The following STRN3 variants were observed in gnomAD, a reference collection of about 807,000 sequenced individuals.
STRN3 encodes striatin-3.
STRN3 carries 29 observed loss-of-function variants against 95.6 expected under a neutral mutation model. The ratio of observed to expected loss-of-function variants is 0.30; its 90% CI spans 0.23 to 0.41. The LOEUF (loss-of-function observed/expected upper bound fraction) is 0.41, where lower values mean the gene tolerates loss of function less well. Among genes scored for constraint, STRN3 ranks in the 10% least tolerant of loss-of-function variants. The pLI, the probability that STRN3 is intolerant of heterozygous loss-of-function variation, is 1.00. For missense variants in STRN3, 890 were observed against 972.1 expected (o/e 0.92, Z 1.12); for synonymous variants, 331 against 357.6 (o/e 0.93, Z 0.84).
chr14:31,025,885 A>G lies in STRN3; in HGVS notation c.282+19T>C. The G allele has an allele frequency of 6.3e-7, 1 of 1,592,910 alleles. No homozygotes were observed. Among genetic ancestry groups the G allele is most frequent in the East Asian group, 2.3e-5 (1 of 43,298 alleles). On this transcript the variant is annotated intron_variant, in intron 1 of 17. Transcript: ENST00000357479. ...AACCCAGCCGCCGCAGCTCCCGCACACCGACCCCAACGAGGTACCTGCAGT... is the reference window on the plus strand; with the variant it reads ...AACCCAGCCGCCGCAGCTCCCGCACGCCGACCCCAACGAGGTACCTGCAGT...
chr14:30,953,557 A>G (rs1217387835), intron 3 of STRN3, among the ~76,000 whole-genome samples: 1 of 152,208 alleles, frequency 6.6e-6, no homozygotes. Flanking sequence ...TGATGCTATG[A>G]AAATTCTTAC....
intron 5 of STRN3, among the ~76,000 whole-genome samples, chr14:30,937,287 T>C (rs544627864): frequency 6.6e-6 from 1 of 152,162 alleles, no homozygotes; most frequent in African/African-American, 2.4e-5. Context: ...CATTCCAGCC[T>C]GGGTGACAGA....
chr14:30,989,155 G>T (rs1020172192), intron 1 of STRN3, among the ~76,000 whole-genome samples: 1 of 152,124 alleles, frequency 6.6e-6, no homozygotes, highest in African/African-American at 2.4e-5. Flanking sequence ...ATAAAGAGAG[G>T]GGTCAGTTAC....
At chr14:30,986,092 G>A (rs1881677632) in intron 1 of STRN3, among the ~76,000 whole-genome samples, 1 of 152,146 alleles carries the variant, frequency 6.6e-6, no homozygotes, top group Non-Finnish European at 1.5e-5. Flanking sequence ...AAAAAAGAAT[G>A]AGAATGATCT....
Position 31,001,645 on chromosome 14 carries a change from AAAG to A in STRN3, c.282+24256_282+24258del, listed in dbSNP as rs1234805310. Reference sequence around the variant, plus strand: ...AGTCAAGTAAAACTCGGTCGTACCAAAAGAATTGGAAGCGGGACCTCAGAGACA... The same window carrying A: ...AGTCAAGTAAAACTCGGTCGTACCAAAATTGGAAGCGGGACCTCAGAGACA... On this transcript the variant is annotated intron_variant, in intron 1 of 17. Transcript: ENST00000357479. Among the ~76,000 whole-genome samples, 3 of 152,234 alleles carry A rather than the reference AAAG, an allele frequency of 2.0e-5. No individual in the cohort carries two copies. In the East Asian group the frequency reaches 5.8e-4, roughly 29 times the overall value.
chr14:30,988,628 T>A (rs577057393), intron 1 of STRN3, among the ~76,000 whole-genome samples: 1 of 152,172 alleles, frequency 6.6e-6, no homozygotes, highest in Non-Finnish European at 1.5e-5. Context: ...GAAGTCATGG[T>A]ACAATTATAA....
At chr14:31,007,966 G>T (rs1284782295) in intron 1 of STRN3, among the ~76,000 whole-genome samples, 2 of 152,132 alleles carry the variant, frequency 1.3e-5, no homozygotes, top group Non-Finnish European at 2.9e-5. Flanking sequence ...GCTGAGGCAG[G>T]CGGATCACCT....
chr14:30,970,818 C>T (rs539186996), intron 1 of STRN3, among the ~76,000 whole-genome samples: 4 of 152,324 alleles, frequency 2.6e-5, no homozygotes, highest in African/African-American at 9.6e-5. Context: ...ATATTCCACC[C>T]GCACATTAAA....
chr14:30,986,387 A>C (rs1881694655), intron 1 of STRN3, among the ~76,000 whole-genome samples: 1 of 152,228 alleles, frequency 6.6e-6, no homozygotes. Flanking sequence ...TTTACTTAGA[A>C]ATGTGTGCTT....
chr14:31,024,102 T>C (rs1404310618), intron 1 of STRN3, among the ~76,000 whole-genome samples: 3 of 152,186 alleles, frequency 2.0e-5, no homozygotes, highest in African/African-American at 7.2e-5. Context: ...TAATATATAG[T>C]ATAGGTTTTA....
rs1012520144 is a variant in STRN3, at chr14:31,009,269, T to A, written c.282+16635A>T. Among the ~76,000 whole-genome samples the A allele has an allele frequency of 3.9e-5, 6 of 152,108 alleles. 1 individual carries two copies. Among genetic ancestry groups the A allele is most frequent in the Admixed American group, 2.6e-4 (4 of 15,250 alleles). The stretch of plus-strand genomic sequence containing the variant: ...ATACACACACACCAATACATATATA[T>A]AGTTGTATATCAGGGTTTCCCAACC... On this transcript the variant is annotated intron_variant, in intron 1 of 17. Transcript: ENST00000357479.
At chr14:30,984,976 T>C (rs1391841584) in intron 1 of STRN3, among the ~76,000 whole-genome samples, 1 of 152,134 alleles carries the variant, frequency 6.6e-6, no homozygotes, top group Non-Finnish European at 1.5e-5. Flanking sequence ...TCCTAAGCTT[T>C]AAAAAAGTTA....
In STRN3 at chr14:30,950,863, T is replaced by C. The variant is rs1879604457; in HGVS notation, c.542A>G (p.Gln181Arg). The change falls in exon 4 of 18, where the codon CAG (glutamine) becomes CGG (arginine). Residue 181 changes from glutamine (Q) to arginine (R), a missense_variant and splice_region_variant. Transcript: ENST00000357479. Reference sequence around the variant, plus strand: ...AGGTTGAAAATAAGTAATTACTCACTGTCTTAAAAGCTGTCTGCCTTGCTT... The same window carrying C: ...AGGTTGAAAATAAGTAATTACTCACCGTCTTAAAAGCTGTCTGCCTTGCTT... Reference protein sequence around the residue: ...TWKQGRQLLRQYLQEVGYTDT... With the variant: ...TWKQGRQLLRRYLQEVGYTDT... 1 of 1,613,544 alleles carries C rather than the reference T, an allele frequency of 6.2e-7. No homozygotes were observed. The highest frequency in any genetic ancestry group is 8.5e-7 in the Non-Finnish European group (1 of 1,179,666).
chr14:31,014,813 T>TAA (rs527397877), intron 1 of STRN3: 3,397 of 361,268 alleles, frequency 9.4e-3, no homozygotes, highest in South Asian at 0.018. Context: ...AAAACCACTT[T>TAA]AAAAAAAAAA....
chr14:30,958,289 C>T (rs892091362), intron 1 of STRN3, among the ~76,000 whole-genome samples: 19 of 151,944 alleles, frequency 1.3e-4, no homozygotes, highest in East Asian at 5.8e-4. Context: ...CCAGCCTGGG[C>T]GACAAGCAAG....
chr14:30,900,288 G>A (rs1465327544), intron 16 of STRN3, among the ~76,000 whole-genome samples: 3 of 151,754 alleles, frequency 2.0e-5, no homozygotes, highest in Admixed American at 2.0e-4. Context: ...GAACCCAGGA[G>A]GCAGAGGTTG....
intron 1 of STRN3, among the ~76,000 whole-genome samples, chr14:30,958,675 T>G (rs1338755423): frequency 6.6e-6 from 1 of 152,226 alleles, no homozygotes; most frequent in Non-Finnish European, 1.5e-5. Context: ...GAAACCTGTT[T>G]TATTATTCTG....
At chr14:30,956,037 A>ATT in intron 2 of STRN3, 102 bp downstream of exon 2, 1 of 929,406 alleles carries the variant, frequency 1.1e-6, no homozygotes, top group South Asian at 1.7e-5. Flanking sequence ...TCGGGCAAGG[A>ATT]TTTGTACCTT....
Position 30,919,106 on chromosome 14 carries a change from C to A in STRN3, c.1100G>T (p.Arg367Met). 6.3e-7 allele frequency: 1 copy of A among 1,599,628 alleles called. No individual in the cohort carries two copies. The change falls in exon 9 of 18, where the codon AGG becomes ATG. Residue 367 changes from arginine (R) to methionine (M), a missense_variant and splice_region_variant. Physicochemically the swap from Arg to Met is moderately conservative, Grantham distance 91. This residue lies in a region of STRN3 where 526 missense variants were observed against 526.3 expected (regional missense o/e 1.00). Coordinates refer to ENST00000357479, the MANE Select transcript of STRN3 (RefSeq NM_001083893.2). ...KERKGKKGVK[R>M]ANRTKLYDMI... is the part of the protein sequence containing the mutation. ...GTCGTAGAGTTTTGTCCTGTTGGCC[C>A]CTGTAAATTAATGTCAGCAGTAGAG...
Sources: allele counts gnomAD v4.1 joint callset (sites outside exome capture counted in the v4.1 genomes callset), GRCh38; gene constraint gnomAD v4.1.1; regional missense constraint gnomAD v4.1.1; transcripts MANE v1.5; gene names NCBI Gene and HGNC (gene_info 2026-07-23, HGNC 2026-07-21).